The following JAZF1 variants were observed in gnomAD, a reference collection of about 807,000 sequenced individuals.
The protein encoded by JAZF1 is JAZF zinc finger 1.
In JAZF1, 8 loss-of-function variants were observed where a neutral mutation model predicts 26.4. The ratio of observed to expected loss-of-function variants is 0.30; its 90% CI spans 0.18 to 0.55. The LOEUF (loss-of-function observed/expected upper bound fraction) is 0.55, where lower values mean the gene tolerates loss of function less well. Among genes scored for constraint, JAZF1 ranks in the 20% least tolerant of loss-of-function variants. The pLI is 0.94. For synonymous variants in JAZF1, 126 were observed against 122.3 expected, an observed-to-expected ratio of 1.03 and a Z score of -0.20; for missense variants, 199 against 322.0, an observed-to-expected ratio of 0.62 and a Z score of 2.92.
chr7:27,925,911 G>GAAAGGT (rs1382311785), intron 2 of JAZF1, among the ~76,000 whole-genome samples: 1 of 152,210 alleles, frequency 6.6e-6, no homozygotes, highest in Admixed American at 6.5e-5. Context: ...TAGTTACAAA[G>GAAAGGT]AAAGGTGTAC....
intron 1 of JAZF1, among the ~76,000 whole-genome samples, chr7:28,171,222 C>T (rs1783464405): frequency 6.6e-6 from 1 of 152,188 alleles, no homozygotes; most frequent in African/African-American, 2.4e-5. Flanking sequence ...TTTAAATCAG[C>T]TTTAAAAAGA....
intron 3 of JAZF1, among the ~76,000 whole-genome samples, chr7:27,866,765 C>A (rs4722744): frequency 1.3e-5 from 2 of 152,034 alleles, no homozygotes; most frequent in Non-Finnish European, 2.9e-5. Flanking sequence ...TGCTTCCTAA[C>A]GGTGTTGGAG....
At chr7:28,081,700 T>C (rs79165661) in intron 1 of JAZF1, among the ~76,000 whole-genome samples, 3,444 of 152,110 alleles carry the variant, frequency 0.023, 124 homozygotes, top group African/African-American at 0.078. Flanking sequence ...TAATAAAACA[T>C]CAAGGCCAGG....
chr7:27,930,397 T>A (rs756477953), intron 2 of JAZF1, among the ~76,000 whole-genome samples: 1 of 152,196 alleles, frequency 6.6e-6, no homozygotes, highest in South Asian at 2.1e-4. Flanking sequence ...AGAAAATGGC[T>A]ACGAAGAACA....
intron 1 of JAZF1, among the ~76,000 whole-genome samples, chr7:28,035,752 C>T (rs1306010548): frequency 2.0e-5 from 3 of 152,098 alleles, no homozygotes; most frequent in African/African-American, 7.2e-5. Flanking sequence ...AATATACACC[C>T]GATTAATATT....
intron 1 of JAZF1, among the ~76,000 whole-genome samples, chr7:28,168,512 G>C (rs1429598746): frequency 1.3e-5 from 2 of 152,066 alleles, no homozygotes; most frequent in African/African-American, 4.8e-5. Flanking sequence ...GGCAACACTG[G>C]GTATCGGCTG....
intron 1 of JAZF1, among the ~76,000 whole-genome samples, chr7:28,143,376 C>T (rs991433436): frequency 6.6e-6 from 1 of 152,098 alleles, no homozygotes; most frequent in South Asian, 2.1e-4. Context: ...TCTGGTGAAG[C>T]CTTCTCTGAC....
chr7:27,917,564 C>T (rs1784462286), intron 2 of JAZF1, among the ~76,000 whole-genome samples: 1 of 152,156 alleles, frequency 6.6e-6, no homozygotes, highest in African/African-American at 2.4e-5. Context: ...CACCTGAACA[C>T]ACTTATGGCC....
chr7:27,940,114 C>T (rs913663873), intron 2 of JAZF1, among the ~76,000 whole-genome samples: 1 of 152,200 alleles, frequency 6.6e-6, no homozygotes, highest in Non-Finnish European at 1.5e-5. Context: ...CCTCCTCTCA[C>T]CTGCTCCCTA....
chr7:27,926,739 A>G (rs1015111845), intron 2 of JAZF1, among the ~76,000 whole-genome samples: 1 of 152,262 alleles, frequency 6.6e-6, no homozygotes, highest in Non-Finnish European at 1.5e-5. Context: ...AATGGCTGAC[A>G]GACAGCACTT....
At chr7:28,113,259 G>A (rs368684660) in intron 1 of JAZF1, among the ~76,000 whole-genome samples, 4 of 152,296 alleles carry the variant, frequency 2.6e-5, no homozygotes, top group South Asian at 4.1e-4. Context: ...CGCCAGCCTC[G>A]TTTTACAAAC....
At chr7:27,982,700 C>T (rs139189761) in intron 2 of JAZF1, among the ~76,000 whole-genome samples, 1,735 of 152,266 alleles carry the variant, frequency 0.011, 37 homozygotes, top group African/African-American at 0.039. Context: ...AGACACCTCC[C>T]AGTAGGGGCC....
intron 2 of JAZF1, among the ~76,000 whole-genome samples, chr7:27,898,304 T>TAC (rs1554274076): frequency 2.3e-4 from 30 of 128,930 alleles, no homozygotes; most frequent in African/African-American, 7.5e-4. Context: ...TATATATATA[T>TAC]ACATCGGTTT....
chr7:27,846,197 T>C (rs890057375), intron 3 of JAZF1, among the ~76,000 whole-genome samples: 1 of 152,094 alleles, frequency 6.6e-6, no homozygotes, highest in Non-Finnish European at 1.5e-5. Flanking sequence ...ATAAGTGAGA[T>C]CATGTACTAT....
intron 3 of JAZF1, among the ~76,000 whole-genome samples, chr7:27,857,647 G>A (rs753667444): frequency 1.4e-4 from 21 of 152,198 alleles, no homozygotes; most frequent in Non-Finnish European, 2.8e-4. Flanking sequence ...AAAACCACAT[G>A]ATTATCTCAA....
chr7:28,170,887 G>C (rs1190760742), intron 1 of JAZF1, among the ~76,000 whole-genome samples: 1 of 152,100 alleles, frequency 6.6e-6, no homozygotes, highest in Non-Finnish European at 1.5e-5. Flanking sequence ...GCATTTTCCT[G>C]GCTGTTCTTT....
chr7:27,849,752 G>GACACAGAC (rs61688947), intron 3 of JAZF1, among the ~76,000 whole-genome samples: 6 of 108,442 alleles, frequency 5.5e-5, no homozygotes, highest in African/African-American at 2.1e-4. Flanking sequence ...CTTACACACA[G>GACACAGAC]ACACACACAC....
chr7:28,028,636 C>T (rs1783132128), intron 1 of JAZF1, among the ~76,000 whole-genome samples: 1 of 152,208 alleles, frequency 6.6e-6, no homozygotes, highest in Non-Finnish European at 1.5e-5. Flanking sequence ...AGTCAATTGT[C>T]ACGAATAAGG....
chr7:28,128,125 A>G (rs1782727603), intron 1 of JAZF1, among the ~76,000 whole-genome samples: 1 of 152,196 alleles, frequency 6.6e-6, no homozygotes, highest in South Asian at 2.1e-4. Context: ...ATCAGGTTGT[A>G]GATGTGATCA....
Sources: gnomAD v4.1 joint callset for allele counts (sites outside exome capture counted in the v4.1 genomes callset) on GRCh38, gnomAD v4.1.1 for gene constraint, MANE v1.5 for transcripts, NCBI Gene and HGNC (gene_info 2026-07-23, HGNC 2026-07-21) for gene names.